The following CMIP variants were observed in gnomAD, a reference collection of about 807,000 sequenced individuals.
CMIP encodes c-Maf inducing protein, also known as C-Maf-inducing protein.
Under a neutral mutation model 97.3 loss-of-function variants are expected in CMIP, and 13 were observed. The observed-to-expected ratio is 0.13, with a 90% CI of 0.09 to 0.21. CMIP has a LOEUF of 0.21. CMIP is among the 10% of genes least tolerant of loss of function. The probability of loss-of-function intolerance (pLI) is 1.00; values close to 1 mark genes in which losing one functional copy is unlikely to be tolerated. For missense variants in CMIP, 847 were observed against 1,024.9 expected (o/e 0.83, Z 2.37); for synonymous variants, 538 against 436.3 (o/e 1.23, Z -2.91).
intron 1 of CMIP, among the ~76,000 whole-genome samples, chr16:81,458,326 A>AC (rs1906687745): frequency 6.6e-6 from 1 of 152,118 alleles, no homozygotes; most frequent in Non-Finnish European, 1.5e-5. Context: ...TGCAGGTTCT[A>AC]CCCGCAGGCT....
intron 1 of CMIP, among the ~76,000 whole-genome samples, chr16:81,575,303 C>T (rs2150895460): frequency 6.6e-6 from 1 of 152,302 alleles, no homozygotes; most frequent in South Asian, 2.1e-4. Flanking sequence ...CTTTACCAGG[C>T]TCAGAACATT....
intron 3 of CMIP, chr16:81,651,438 T>G (rs2151005260): frequency 4.2e-6 from 4 of 963,080 alleles, no homozygotes; most frequent in South Asian, 4.8e-5. Context: ...GTGAGAGCAC[T>G]CTTGTCTTCC....
chr16:81,461,978 A>G (rs989747170), intron 1 of CMIP, among the ~76,000 whole-genome samples: 15 of 152,222 alleles, frequency 9.9e-5, no homozygotes, highest in African/African-American at 3.6e-4. Flanking sequence ...CTGCCCTCAT[A>G]AAGATGAGGC....
At chr16:81,670,720 G>A (rs1374724273) in intron 8 of CMIP, among the ~76,000 whole-genome samples, 5 of 150,910 alleles carry the variant, frequency 3.3e-5, no homozygotes, top group Admixed American at 6.6e-5. Flanking sequence ...AGTATCCCTC[G>A]CCCAGTTAGT....
intron 1 of CMIP, among the ~76,000 whole-genome samples, chr16:81,604,481 C>CCT (rs1277534226): frequency 1.3e-5 from 2 of 148,702 alleles, no homozygotes; most frequent in Non-Finnish European, 3.0e-5. Context: ...AGGTGGATCA[C>CCT]AAGGTCAGGA....
At chr16:81,641,370 C>G (rs1166283359) in intron 3 of CMIP, among the ~76,000 whole-genome samples, 1 of 151,916 alleles carries the variant, frequency 6.6e-6, no homozygotes, top group Non-Finnish European at 1.5e-5. Flanking sequence ...AGATGTCATC[C>G]CTGCTCCCAA....
At chr16:81,607,744 C>G (rs2091768537) in intron 2 of CMIP, 52 bp downstream of exon 2, 1 of 1,591,380 alleles carries the variant, frequency 6.3e-7, no homozygotes, top group Non-Finnish European at 8.6e-7. Context: ...TCTTCATGCA[C>G]TTGTGCCCCT....
Position 81,710,216 on chromosome 16 carries a change from C to T in CMIP, c.*417C>T. 4.2e-6 allele frequency: 1 copy of T among 236,382 alleles called. No homozygotes were observed. Among genetic ancestry groups the T allele is most frequent in the Admixed American group, 5.1e-5 (1 of 19,440 alleles). 14.6% of individuals were successfully genotyped at this position (236,382 alleles called of 1,614,324 possible). A position where few individuals can be genotyped will look rare whatever the true frequency, so the allele number is the denominator to read the frequency against. On this transcript the variant is annotated 3_prime_UTR_variant, in exon 21 of 21. Transcript: ENST00000537098. Reference sequence around the variant, plus strand: ...ATGCTTTCTTCCTAGAGGCTCCGAGCTGAGCTGCGAACTCGCCCCCCGCCC... The same window carrying T: ...ATGCTTTCTTCCTAGAGGCTCCGAGTTGAGCTGCGAACTCGCCCCCCGCCC...
At chr16:81,480,879 C>G (rs1328317923) in intron 1 of CMIP, among the ~76,000 whole-genome samples, 3 of 152,134 alleles carry the variant, frequency 2.0e-5, no homozygotes, top group African/African-American at 4.8e-5. Context: ...TGGTGGGGAC[C>G]TCAGCTGAAG....
chr16:81,604,563 T>C (rs551812008), intron 1 of CMIP, among the ~76,000 whole-genome samples: 1 of 151,906 alleles, frequency 6.6e-6, no homozygotes, highest in East Asian at 1.9e-4. Flanking sequence ...TAGCCAGGCA[T>C]GGTGGCAGGC....
chr16:81,524,165 T>G (rs2090083266), intron 1 of CMIP, among the ~76,000 whole-genome samples: 1 of 152,230 alleles, frequency 6.6e-6, no homozygotes, highest in Non-Finnish European at 1.5e-5. Context: ...GACAGGACCC[T>G]GTAATGCCAC....
chr16:81,620,409 A>T (rs1484238790), intron 2 of CMIP: 2 of 154,380 alleles, frequency 1.3e-5, no homozygotes, highest in Non-Finnish European at 2.9e-5. Flanking sequence ...GGGCATAATG[A>T]TAGGTGCCAC....
In CMIP at chr16:81,668,117, G is replaced by C. The variant is rs542950922; in HGVS notation, c.826-2025G>C. Among the ~76,000 whole-genome samples, 3 of 152,138 alleles carry C rather than the reference G, an allele frequency of 2.0e-5. No individual in the cohort carries two copies. The East Asian group carries it at 5.8e-4, about 29-fold the overall frequency. On this transcript the variant is annotated intron_variant, in intron 7 of 20. Coordinates refer to ENST00000537098, the MANE Select transcript of CMIP (RefSeq NM_198390.3). ...AGACCTGAGGGGGGTCTCTATTTCTGTTCTACAGCTTGAAGTCCTGATGCA... is the reference window on the plus strand; with the variant it reads ...AGACCTGAGGGGGGTCTCTATTTCTCTTCTACAGCTTGAAGTCCTGATGCA...
chr16:81,573,293 G>A lies in CMIP; in HGVS notation c.301-34274G>A, dbSNP rs377637709. On this transcript the variant is annotated intron_variant, in intron 1 of 20. Coordinates refer to ENST00000537098, the MANE Select transcript of CMIP (RefSeq NM_198390.3). ...TGGGAGGTGGAGGTTGCAGTGAGCC[G>A]AGATCGCGTCACTGCACTCCAGCCT... Among the ~76,000 whole-genome samples the A allele has an allele frequency of 4.0e-5, 6 of 151,508 alleles. No homozygotes were observed. In the East Asian group the frequency reaches 5.8e-4, roughly 15 times the overall value.
intron 1 of CMIP, among the ~76,000 whole-genome samples, chr16:81,565,365 T>G (rs1162482830): frequency 6.6e-6 from 1 of 152,158 alleles, no homozygotes. Context: ...CAGGAGTTGT[T>G]GGCAAGCAGG....
chr16:81,545,306 C>T (rs902156775), intron 1 of CMIP, among the ~76,000 whole-genome samples: 2 of 152,188 alleles, frequency 1.3e-5, no homozygotes, highest in African/African-American at 2.4e-5. Context: ...CAGACGAACC[C>T]GTCCTTGTAT....
Position 81,614,252 on chromosome 16 carries a change from G to C in CMIP, c.426+6560G>C, listed in dbSNP as rs553613832. 2.6e-5 allele frequency among the ~76,000 whole-genome samples: 4 copies of C among 152,340 alleles called. No individual in the cohort carries two copies. The East Asian group carries it at 7.7e-4, about 29-fold the overall frequency. ...AGTCTGAGAGCAGGGCAGGCCAGGT[G>C]CTGCCACAGTCACCAGCGACCACGC... is the stretch of plus-strand genomic sequence containing the variant. On this transcript the variant is annotated intron_variant, in intron 2 of 20. Coordinates refer to ENST00000537098, the MANE Select transcript of CMIP (RefSeq NM_198390.3). This position sits in a 1 kb window ranked among gnomAD's most constrained non-coding sequence, Gnocchi z 5.3.
At chr16:81,645,544 G>T (rs1372158640) in intron 3 of CMIP, 1 of 1,536,030 alleles carries the variant, frequency 6.5e-7, no homozygotes, top group Non-Finnish European at 8.7e-7. Context: ...GAGAACCCTG[G>T]CATATGTGCT....
chr16:81,475,826 A>G (rs1907873765), intron 1 of CMIP, among the ~76,000 whole-genome samples: 1 of 152,096 alleles, frequency 6.6e-6, no homozygotes, highest in South Asian at 2.1e-4. Context: ...TCTACTAAAA[A>G]TACAAACAAA....
Sources: gnomAD v4.1 joint callset for allele counts (sites outside exome capture counted in the v4.1 genomes callset) on GRCh38, gnomAD v4.1.1 for gene constraint, Gnocchi (gnomAD v3.1) non-coding constraint, MANE v1.5 for transcripts, NCBI Gene and HGNC (gene_info 2026-07-23, HGNC 2026-07-21) for gene names.